Variants in CSGALNACT1 observed in about 807,000 individuals in gnomAD.
CSGALNACT1 encodes the protein beta4GalNAcT-1.
Under a neutral mutation model 51.0 loss-of-function variants are expected in CSGALNACT1, and 52 were observed. The observed-to-expected ratio is 1.02, with a 90% CI of 0.82 to 1.29. The LOEUF (loss-of-function observed/expected upper bound fraction) is 1.29, where lower values mean the gene tolerates loss of function less well. CSGALNACT1 is among the 50% of genes most tolerant of loss of function. CSGALNACT1 has a pLI of 0.00. For missense variants in CSGALNACT1, 935 were observed against 679.2 expected (o/e 1.38, Z -4.19); for synonymous variants, 341 against 254.4 (o/e 1.34, Z -3.24).
chr8:19,573,768 G>A (rs2043543600), intron 3 of CSGALNACT1, among the ~76,000 whole-genome samples: 1 of 152,084 alleles, frequency 6.6e-6, no homozygotes, highest in Admixed American at 6.5e-5. Context: ...TCCAGTGATA[G>A]GCTAGTTTCA....
intron 1 of CSGALNACT1, among the ~76,000 whole-genome samples, chr8:19,753,021 A>G (rs1465422534): frequency 6.6e-6 from 1 of 152,132 alleles, no homozygotes; most frequent in Non-Finnish European, 1.5e-5. Flanking sequence ...CTCTTGCCCA[A>G]ACTAAATTGT....
chr8:19,543,333 C>G (rs901439981), intron 3 of CSGALNACT1, among the ~76,000 whole-genome samples: 1 of 152,172 alleles, frequency 6.6e-6, no homozygotes, highest in Non-Finnish European at 1.5e-5. Flanking sequence ...TAACATAGCA[C>G]GCCTGAGGCT....
intron 3 of CSGALNACT1, among the ~76,000 whole-genome samples, chr8:19,567,844 A>G (rs1410585855): frequency 1.3e-5 from 2 of 152,342 alleles, no homozygotes; most frequent in South Asian, 4.1e-4. Context: ...CTATTTTAAT[A>G]TAAGCACAAA....
rs557904082 is a variant in CSGALNACT1 at position 19,660,696 on chromosome 8, A to T, written c.-544+21777T>A. ...CACAAAAGCTCCAGTTGTTACAGGC[A>T]CATTCTCAGAGCCTACCTCCCCATG... On this transcript the variant is annotated intron_variant, in intron 1 of 9. Transcript: ENST00000332246. Among the ~76,000 whole-genome samples the T allele has an allele frequency of 7.9e-5, 12 of 152,258 alleles. 2 individuals are homozygous for T. The South Asian group carries it at 2.5e-3, about 32-fold the overall frequency.
chr8:19,606,784 T>G (rs2051433504), upstream of CSGALNACT1, among the ~76,000 whole-genome samples: 1 of 152,202 alleles, frequency 6.6e-6, no homozygotes, highest in South Asian at 2.1e-4. Flanking sequence ...ACTAAATTAC[T>G]TGAAGTCTCT....
chr8:19,619,958 A>G (rs2053602670), intron 1 of CSGALNACT1, among the ~76,000 whole-genome samples: 1 of 152,140 alleles, frequency 6.6e-6, no homozygotes, highest in African/African-American at 2.4e-5. Context: ...CTAGTTCTCT[A>G]ATTTCTAAAA....
At chr8:19,728,654 T>C (rs983855683) in intron 1 of CSGALNACT1, among the ~76,000 whole-genome samples, 5 of 152,198 alleles carry the variant, frequency 3.3e-5, no homozygotes, top group African/African-American at 9.6e-5. Context: ...ATTTATGCAG[T>C]TGTAGGAATA....
chr8:19,420,569 A>G, intron 6 of CSGALNACT1, 51 bp from the exon 6 acceptor site: 1 of 1,579,962 alleles, frequency 6.3e-7, no homozygotes, highest in Non-Finnish European at 8.7e-7. Flanking sequence ...TGTTGGCAGC[A>G]TCCCCTGAGA....
intron 6 of CSGALNACT1, among the ~76,000 whole-genome samples, chr8:19,430,098 T>A (rs2059420117): frequency 1.3e-5 from 2 of 152,262 alleles, no homozygotes; most frequent in African/African-American, 4.8e-5. Flanking sequence ...TCTCTCTAGT[T>A]ATTGAATATA....
intron 1 of CSGALNACT1, among the ~76,000 whole-genome samples, chr8:19,742,818 A>G (rs6983139): frequency 0.42 from 64,590 of 152,014 alleles, 14,131 homozygotes; most frequent in East Asian, 0.59. Context: ...GTCATCGTCT[A>G]TCAGGGGCCT....
chr8:19,493,503 A>G (rs1282403757), intron 4 of CSGALNACT1, among the ~76,000 whole-genome samples: 1 of 152,120 alleles, frequency 6.6e-6, no homozygotes, highest in East Asian at 1.9e-4. Flanking sequence ...CAACTCCTCC[A>G]ACCCCCAGAA....
intron 6 of CSGALNACT1, among the ~76,000 whole-genome samples, chr8:19,433,492 C>T (rs1176927685): frequency 6.6e-6 from 1 of 152,190 alleles, no homozygotes; most frequent in Admixed American, 6.5e-5. Context: ...CTATTGTTTG[C>T]CCCAACTCTT....
At chr8:19,743,885 C>A (rs963592503) in intron 1 of CSGALNACT1, among the ~76,000 whole-genome samples, 1 of 152,038 alleles carries the variant, frequency 6.6e-6, no homozygotes, top group African/African-American at 2.4e-5. Context: ...AGCATAATTT[C>A]TCTTAATGGC....
chr8:19,591,577 A>T (rs1213314854), intron 2 of CSGALNACT1, among the ~76,000 whole-genome samples: 3 of 152,174 alleles, frequency 2.0e-5, no homozygotes, highest in Admixed American at 2.0e-4. Context: ...TAGAAAGGAG[A>T]GTTAAAGAAT....
intron 1 of CSGALNACT1, among the ~76,000 whole-genome samples, chr8:19,612,776 T>G (rs1251981403): frequency 6.6e-6 from 1 of 151,916 alleles, no homozygotes; most frequent in Non-Finnish European, 1.5e-5. Flanking sequence ...AAAGTGGCTA[T>G]TCTCTCTTTG....
At chr8:19,695,938 T>C (rs1259931158) in intron 1 of CSGALNACT1, among the ~76,000 whole-genome samples, 1 of 152,166 alleles carries the variant, frequency 6.6e-6, no homozygotes, top group Non-Finnish European at 1.5e-5. Flanking sequence ...TGAAAAACGA[T>C]GGTATTGTTA....
chr8:19,538,656 G>A (rs939030925), intron 3 of CSGALNACT1, among the ~76,000 whole-genome samples: 2 of 152,150 alleles, frequency 1.3e-5, no homozygotes, highest in African/African-American at 4.8e-5. Flanking sequence ...GAGACCGGGG[G>A]AGGTACAGGC....
At chr8:19,480,833 A>C (rs1223305023) in intron 4 of CSGALNACT1, among the ~76,000 whole-genome samples, 2 of 152,126 alleles carry the variant, frequency 1.3e-5, no homozygotes, top group Non-Finnish European at 2.9e-5. Flanking sequence ...CACCAACAAC[A>C]CTGGGAGGAA....
intron 5 of CSGALNACT1, among the ~76,000 whole-genome samples, chr8:19,449,257 C>T (rs1013023035): frequency 1.1e-4 from 16 of 152,216 alleles, no homozygotes; most frequent in Admixed American, 8.5e-4. Context: ...AAAGAGAAAC[C>T]GTTATCTAAA....
Sources: gnomAD v4.1 joint callset for allele counts (sites outside exome capture counted in the v4.1 genomes callset) on GRCh38, gnomAD v4.1.1 for gene constraint, MANE v1.5 for transcripts, NCBI Gene and HGNC (gene_info 2026-07-23, HGNC 2026-07-21) for gene names.